NCK1: variants seen among roughly 807,000 people sequenced by gnomAD.
The protein encoded by NCK1 is SH2/SH3 adapter protein NCK1.
In NCK1, 19 loss-of-function variants were observed where a neutral mutation model predicts 36.6. The observed-to-expected ratio is 0.52, with a 90% confidence interval of 0.36 to 0.76. NCK1 has a LOEUF of 0.76. Ranked by LOEUF, NCK1 falls within the 30% of genes least tolerant of loss-of-function variation. NCK1 has a pLI of 0.00. For synonymous variants in NCK1, 165 were observed against 156.0 expected (o/e 1.06, Z -0.43); for missense variants, 358 against 445.6 (o/e 0.80, Z 1.77).
intron 1 of NCK1, among the ~76,000 whole-genome samples, chr3:136,867,113 TTTCTTTGTTTCTTTCTTTCCTTCC>T (rs1242187878): frequency 0.05 from 1,431 of 28,492 alleles, 83 homozygotes; most frequent in Middle Eastern, 0.081. Context: ...TCTTTCTTTC[TTTCTTTGTTTCTTTCTTTCCTTCC>T]TTCCTTCCTT....
At chr3:136,886,709 T>A (rs1939082070) in intron 1 of NCK1, among the ~76,000 whole-genome samples, 1 of 152,196 alleles carries the variant, frequency 6.6e-6, no homozygotes, top group South Asian at 2.1e-4. Flanking sequence ...AACTTTCTTG[T>A]ATGCCTTTTC....
At chr3:136,880,959 C>T (rs16844167) in intron 1 of NCK1, among the ~76,000 whole-genome samples, 193 of 152,260 alleles carry the variant, frequency 1.3e-3, no homozygotes, top group South Asian at 5.4e-3. Context: ...GGTCTGCTTT[C>T]TGCGCTCTAC....
intron 1 of NCK1, among the ~76,000 whole-genome samples, chr3:136,868,373 G>T (rs895549559): frequency 6.6e-6 from 1 of 151,906 alleles, no homozygotes; most frequent in Non-Finnish European, 1.5e-5. Context: ...TGTCACTCAG[G>T]ATGGAGTGCA....
chr3:136,863,053 T>G (rs1204946862), intron 1 of NCK1, among the ~76,000 whole-genome samples: 1 of 128,404 alleles, frequency 7.8e-6, no homozygotes, highest in Non-Finnish European at 1.7e-5. Context: ...AAATTCGCCG[T>G]TAGAAGCTCA....
At chr3:136,925,000 G>C (rs11925803) in intron 1 of NCK1, among the ~76,000 whole-genome samples, 1 of 152,128 alleles carries the variant, frequency 6.6e-6, no homozygotes, top group South Asian at 2.1e-4. Context: ...CCAAAAATTA[G>C]GGGGATAGCT....
chr3:136,929,959 C>A (rs1451726188), intron 2 of NCK1, among the ~76,000 whole-genome samples: 1 of 152,148 alleles, frequency 6.6e-6, no homozygotes, highest in Non-Finnish European at 1.5e-5. Flanking sequence ...AAGATTTTAT[C>A]TCTATTTAAG....
intron 2 of NCK1, among the ~76,000 whole-genome samples, chr3:136,929,755 T>C (rs978611392): frequency 6.6e-6 from 1 of 152,174 alleles, no homozygotes; most frequent in African/African-American, 2.4e-5. Flanking sequence ...TATCTTGGGA[T>C]TAGAGTGAAT....
At chr3:136,883,776 GC>G (rs1939006589) in intron 1 of NCK1, among the ~76,000 whole-genome samples, 1 of 152,138 alleles carries the variant, frequency 6.6e-6, no homozygotes, top group South Asian at 2.1e-4. Context: ...GTTGCTGAAG[GC>G]TTGAGTTTTA....
At chr3:136,926,360 C>G (rs572766209) in intron 1 of NCK1, among the ~76,000 whole-genome samples, 1 of 152,030 alleles carries the variant, frequency 6.6e-6, no homozygotes, top group Admixed American at 6.5e-5. Context: ...CTGCAAGCCC[C>G]GCCTCCCGGG....
chr3:136,908,732 C>T (rs752921760), intron 1 of NCK1, among the ~76,000 whole-genome samples: 18 of 152,108 alleles, frequency 1.2e-4, no homozygotes, highest in Non-Finnish European at 2.5e-4. Flanking sequence ...ATTGGTAGCT[C>T]TTAGGAAGAA....
intron 2 of NCK1, 94 bp from the exon 3 acceptor site, chr3:136,945,489 G>T (rs1455079057): frequency 1.2e-6 from 1 of 863,074 alleles, no homozygotes; most frequent in Non-Finnish European, 1.8e-6. Context: ...GATCTATATA[G>T]AGTTGAAGAT....
chr3:136,874,626 T>G (rs1459858591), intron 1 of NCK1, among the ~76,000 whole-genome samples: 1 of 152,244 alleles, frequency 6.6e-6, no homozygotes, highest in Non-Finnish European at 1.5e-5. Flanking sequence ...TTCCTGGCAT[T>G]TCTTCCTTTC....
At chr3:136,863,614 T>A (rs976931814) in intron 1 of NCK1, among the ~76,000 whole-genome samples, 3 of 152,208 alleles carry the variant, frequency 2.0e-5, no homozygotes, top group African/African-American at 7.2e-5. Flanking sequence ...TTGGGAAAAT[T>A]GTGATCTGTG....
intron 1 of NCK1, among the ~76,000 whole-genome samples, chr3:136,903,317 C>G (rs963062783): frequency 1.3e-5 from 2 of 152,092 alleles, no homozygotes; most frequent in East Asian, 3.9e-4. Flanking sequence ...TTTTCCATCC[C>G]TTAATTTCAG....
At chr3:136,873,330 C>T (rs1470117221) in intron 1 of NCK1, among the ~76,000 whole-genome samples, 2 of 152,160 alleles carry the variant, frequency 1.3e-5, no homozygotes, top group African/African-American at 4.8e-5. Context: ...TTTGGATTTG[C>T]TAGAGGCCTT....
intron 1 of NCK1, among the ~76,000 whole-genome samples, chr3:136,897,599 T>G (rs1284033178): frequency 6.6e-6 from 1 of 152,196 alleles, no homozygotes; most frequent in Non-Finnish European, 1.5e-5. Context: ...TTTTTGTTGT[T>G]TGAGTTCCTT....
At chr3:136,868,706 T>G (rs1025262497) in intron 1 of NCK1, among the ~76,000 whole-genome samples, 1 of 152,222 alleles carries the variant, frequency 6.6e-6, no homozygotes, top group Non-Finnish European at 1.5e-5. Context: ...AGTTTGTCTT[T>G]TCGAATCTCT....
chr3:136,877,205 C>T (rs1476264780), intron 1 of NCK1, among the ~76,000 whole-genome samples: 1 of 152,088 alleles, frequency 6.6e-6, no homozygotes, highest in South Asian at 2.1e-4. Flanking sequence ...CTACAGAATG[C>T]AGATTGTTTT....
chr3:136,862,526 G>A (rs1938254195), intron 1 of NCK1, among the ~76,000 whole-genome samples, 173 bp downstream of exon 1: 1 of 152,222 alleles, frequency 6.6e-6, no homozygotes, highest in South Asian at 2.1e-4. Flanking sequence ...CTGCTCGGAG[G>A]GTCCAGACTT....
Sources: gnomAD v4.1 joint callset for allele counts (sites outside exome capture counted in the v4.1 genomes callset) on GRCh38, gnomAD v4.1.1 for gene constraint, MANE v1.5 for transcripts, NCBI Gene and HGNC (gene_info 2026-07-23, HGNC 2026-07-21) for gene names.